The following SUGT1 variants were observed in gnomAD, a reference collection of about 807,000 sequenced individuals.
SUGT1 encodes the protein protein SGT1 homolog.
A neutral mutation model predicts 56.1 loss-of-function variants in SUGT1; 15 were observed. The ratio of observed to expected loss-of-function variants is 0.27; its 90% CI spans 0.18 to 0.41. The LOEUF (loss-of-function observed/expected upper bound fraction) is 0.41, where lower values mean the gene tolerates loss of function less well. Among genes scored for constraint, SUGT1 ranks in the 10% least tolerant of loss-of-function variants. SUGT1 has a pLI of 1.00. For synonymous variants in SUGT1, 123 were observed against 128.6 expected (o/e 0.96, Z 0.30); for missense variants, 347 against 382.2 (o/e 0.91, Z 0.77).
chr13:52,665,996 A>T (rs1962684601), intron 9 of SUGT1, among the ~76,000 whole-genome samples: 1 of 152,186 alleles, frequency 6.6e-6, no homozygotes, highest in African/African-American at 2.4e-5. Flanking sequence ...CTTTGGTTAT[A>T]CTTGTGTGGT....
At chr13:52,662,805 A>G in intron 6 of SUGT1, 103 bp downstream of exon 6, 1 of 1,215,336 alleles carries the variant, frequency 8.2e-7, no homozygotes, top group Non-Finnish European at 1.2e-6. Flanking sequence ...AATTTCTTTT[A>G]AATAGTATAC....
chr13:52,659,051 G>A (rs1425148328), intron 4 of SUGT1, 128 bp from the exon 5 acceptor site: 8 of 647,028 alleles, frequency 1.2e-5, no homozygotes, highest in Non-Finnish European at 2.0e-5. Context: ...AAGTCTCTAG[G>A]TTTATTAACA....
At chr13:52,686,964 G>C (rs550918040) in intron 12 of SUGT1, among the ~76,000 whole-genome samples, 32 of 150,458 alleles carry the variant, frequency 2.1e-4, no homozygotes, top group African/African-American at 7.5e-4. Context: ...CCAGCTACTC[G>C]GGAGGCTGAG....
In SUGT1 at chr13:52,680,071, G is replaced by C; in HGVS notation, c.816G>C (p.Glu272Asp). The change falls in exon 12 of 13, where the codon GAG becomes GAC. Residue 272 changes from glutamate to aspartate, a missense_variant. Physicochemically the swap from Glu to Asp is conservative, Grantham distance 45 (BLOSUM62 2). Coordinates refer to ENST00000310528, the MANE Select transcript of SUGT1 (RefSeq NM_006704.5). ...IKEEEKNEKL[E>D]GDAALNRLFQ... Reference sequence around the variant, plus strand: ...AAGAAGAAAAGAATGAAAAGTTGGAGGGAGATGCAGCTTTAAACAGATTAT... The same window carrying C: ...AAGAAGAAAAGAATGAAAAGTTGGACGGAGATGCAGCTTTAAACAGATTAT... 6.3e-7 allele frequency: 1 copy of C among 1,596,790 alleles called. No individual in the cohort carries two copies.
chr13:52,666,222 ACTACAGGCACAT>A lies in SUGT1; in HGVS notation c.519+490_519+501del, dbSNP rs753577599. ...TGCCTCAGCCTCCTGAGTAGTTGGG[ACTACAGGCACAT>A]GCCACCGTGCCTGGCTAATTTTTGT... is the stretch of plus-strand genomic sequence containing the variant. On this transcript the variant is annotated intron_variant, in intron 9 of 12. Transcript: ENST00000310528. 9.3e-3 allele frequency among the ~76,000 whole-genome samples: 1,409 copies of A among 152,200 alleles called. 28 individuals carry two copies. Among genetic ancestry groups the A allele is most frequent in the Admixed American group, 0.056 (858 of 15,286 alleles).
At chr13:52,658,052 T>TGTTATGTTTTTAAAAA in intron 3 of SUGT1, 1 of 1,180,088 alleles carries the variant, frequency 8.5e-7, no homozygotes, top group Non-Finnish European at 1.1e-6. Context: ...CAAGACCACC[T>TGTTATGTTTTTAAAAA]GTATTTAAAA....
At chr13:52,655,789 C>G (rs1164065504) in intron 2 of SUGT1, among the ~76,000 whole-genome samples, 1 of 152,138 alleles carries the variant, frequency 6.6e-6, no homozygotes, top group Non-Finnish European at 1.5e-5. Context: ...TATGAGTTGC[C>G]TCTGGGACAT....
chr13:52,685,069 C>CT (rs71094315), intron 12 of SUGT1, among the ~76,000 whole-genome samples: 29 of 141,074 alleles, frequency 2.1e-4, no homozygotes, highest in Non-Finnish European at 2.8e-4. Flanking sequence ...CTTTTGGTGT[C>CT]TTTTTTTTTT....
chr13:52,658,584 A>AT, intron 4 of SUGT1, 116 bp downstream of exon 4: 1 of 873,838 alleles, frequency 1.1e-6, no homozygotes, highest in Non-Finnish European at 1.7e-6. Flanking sequence ...TATACATTAT[A>AT]TAGCAGAGAT....
intron 8 of SUGT1, 104 bp downstream of exon 8, chr13:52,664,161 T>G: frequency 8.3e-7 from 1 of 1,205,556 alleles, no homozygotes; most frequent in Non-Finnish European, 1.2e-6. Context: ...GATTTTTAAG[T>G]TTTTGTTTGT....
At chr13:52,681,035 G>A (rs766781157) in intron 12 of SUGT1, among the ~76,000 whole-genome samples, 2 of 152,028 alleles carry the variant, frequency 1.3e-5, no homozygotes, top group African/African-American at 4.8e-5. Flanking sequence ...GTGGGGTTGC[G>A]CCACGTTGCC....
rs1200736483 is a variant in SUGT1 at position 52,696,162 on chromosome 13, T to C, written c.*8327T>C. 2 of 152,334 alleles carry C rather than the reference T, an allele frequency of 1.3e-5. No homozygotes were observed. Among genetic ancestry groups the C allele is most frequent in the African/African-American group, 4.8e-5 (2 of 41,460 alleles). 9.4% of individuals were successfully genotyped at this position (152,334 alleles called of 1,614,324 possible). On this transcript the variant is annotated 3_prime_UTR_variant, in exon 13 of 13. Transcript: ENST00000310528. ...GCGGTCTAGCTTCCATCTTTGTATG[T>C]GTAGCACCTGGTACATAGAGAACAG...
At chr13:52,671,640 A>G (rs1962942800) in intron 10 of SUGT1, among the ~76,000 whole-genome samples, 1 of 152,182 alleles carries the variant, frequency 6.6e-6, no homozygotes, top group South Asian at 2.1e-4. Context: ...GGATATTGAT[A>G]ATAGCATTCT....
rs533165137 is a variant in SUGT1 at position 52,675,401 on chromosome 13, C to T, written c.628-829C>T. On this transcript the variant is annotated intron_variant, in intron 10 of 12. Coordinates refer to ENST00000310528, the MANE Select transcript of SUGT1 (RefSeq NM_006704.5). Reference sequence around the variant, plus strand: ...CCAGCCTGGGCAACCTAGTGAGACTCTGTCTCTACGAAAAATTTTAAAAAC... The same window carrying T: ...CCAGCCTGGGCAACCTAGTGAGACTTTGTCTCTACGAAAAATTTTAAAAAC... 2.0e-5 allele frequency among the ~76,000 whole-genome samples: 3 copies of T among 152,270 alleles called. 1 individual carries two copies. In the South Asian group the frequency reaches 6.2e-4, roughly 32 times the overall value.
In SUGT1 at chr13:52,691,656, C is replaced by G. The variant is rs1051182055; in HGVS notation, c.*3821C>G. 6.6e-6 allele frequency: 1 copy of G among 152,194 alleles called. No homozygotes were observed. Among genetic ancestry groups the G allele is most frequent in the East Asian group, 1.9e-4 (1 of 5,176 alleles). 9.4% of individuals were successfully genotyped at this position (152,194 alleles called of 1,614,324 possible). ...TTTTGTTAGTTACTAGAGCCACTTACCCTTTGTAACTAGCTCTAAAGAAGT... is the reference window on the plus strand; with the variant it reads ...TTTTGTTAGTTACTAGAGCCACTTAGCCTTTGTAACTAGCTCTAAAGAAGT... On this transcript the variant is annotated 3_prime_UTR_variant, in exon 13 of 13. Coordinates refer to ENST00000310528, the MANE Select transcript of SUGT1 (RefSeq NM_006704.5).
chr13:52,668,383 G>A (rs1165883405), intron 10 of SUGT1, among the ~76,000 whole-genome samples: 1 of 152,190 alleles, frequency 6.6e-6, no homozygotes, highest in Admixed American at 6.5e-5. Context: ...GAACAGGATC[G>A]GGGTTGGCCT....
Position 52,688,900 on chromosome 13 carries a change from G to A in SUGT1, c.*1065G>A, listed in dbSNP as rs1445598337. The A allele has an allele frequency of 6.6e-6, 1 of 152,154 alleles. No individual in the cohort carries two copies. Among genetic ancestry groups the A allele is most frequent in the East Asian group, 1.9e-4 (1 of 5,186 alleles). The allele number at this position is 152,154 out of a possible 1,614,324, so 9.4% of individuals were successfully genotyped here. A position where few individuals can be genotyped will look rare whatever the true frequency, so the allele number is the denominator to read the frequency against. On this transcript the variant is annotated 3_prime_UTR_variant, in exon 13 of 13. Transcript: ENST00000310528. ...AGGAAAATGTTCTGTGATTAAAATT[G>A]TTTACAGTCTAGGCTGTTATAAAGT... is the stretch of plus-strand genomic sequence containing the variant.
Position 52,687,839 on chromosome 13 carries a change from A to C in SUGT1, c.*4A>C, listed in dbSNP as rs1963656309. ...TATGGAATGGAAAAAGTACTAAATA[A>C]ATTAATTTGCTCTCATCGTATTGTG... On this transcript the variant is annotated 3_prime_UTR_variant, in exon 13 of 13. Transcript: ENST00000310528. 1 of 1,578,918 alleles carries C rather than the reference A, an allele frequency of 6.3e-7. No individual in the cohort carries two copies. The highest frequency in any genetic ancestry group is 1.8e-5 in the Admixed American group (1 of 55,254).
At chr13:52,661,573 A>T in intron 5 of SUGT1, 1 of 415,288 alleles carries the variant, frequency 2.4e-6, no homozygotes, top group Non-Finnish European at 4.8e-6. Context: ...GATTACAGGT[A>T]TGAGCCACCA....
Sources: allele counts gnomAD v4.1 joint callset (sites outside exome capture counted in the v4.1 genomes callset), GRCh38; gene constraint gnomAD v4.1.1; transcripts MANE v1.5; gene names NCBI Gene and HGNC (gene_info 2026-07-23, HGNC 2026-07-21).